The following ADAMTS3 variants were observed in gnomAD, a reference collection of about 807,000 sequenced individuals.
The protein encoded by ADAMTS3 is ADAM metallopeptidase with thrombospondin type 1 motif 3, also known as A disintegrin and metalloproteinase with thrombospondin motifs 3.
A neutral mutation model predicts 129.0 loss-of-function variants in ADAMTS3; 73 were observed. The ratio of observed to expected loss-of-function variants is 0.57; its 90% CI spans 0.47 to 0.69. ADAMTS3 has a LOEUF of 0.69. Ranked by LOEUF, ADAMTS3 falls within the 30% of genes least tolerant of loss-of-function variation. The pLI, the probability that ADAMTS3 is intolerant of heterozygous loss-of-function variation, is 0.00. For missense variants in ADAMTS3, 1,457 were observed against 1,514.5 expected (o/e 0.96, Z 0.63); for synonymous variants, 477 against 510.8 (o/e 0.93, Z 0.89).
Position 72,557,695 on chromosome 4 carries a change from T to C in ADAMTS3, c.98-8811A>G, listed in dbSNP as rs547719114. On this transcript the variant is annotated intron_variant, in intron 2 of 21. Coordinates refer to ENST00000286657, the MANE Select transcript of ADAMTS3 (RefSeq NM_014243.3). ...ACAATATTTATGTTCAAAAAAGCCATTTAGGAAAGAACAACACATTCTTTA... is the reference window on the plus strand; with the variant it reads ...ACAATATTTATGTTCAAAAAAGCCACTTAGGAAAGAACAACACATTCTTTA... Among the ~76,000 whole-genome samples the C allele has an allele frequency of 1.9e-4, 29 of 151,878 alleles. 1 individual carries two copies. The highest frequency in any genetic ancestry group is 7.0e-4 in the African/African-American group (29 of 41,212).
intron 4 of ADAMTS3, among the ~76,000 whole-genome samples, chr4:72,397,762 C>T (rs1007577602): frequency 3.3e-5 from 5 of 152,056 alleles, no homozygotes; most frequent in Non-Finnish European, 7.4e-5. Context: ...GCAGTGATAT[C>T]TAAAGAGGCT....
chr4:72,290,835 C>T lies in ADAMTS3; in HGVS notation c.2931+20G>A, dbSNP rs1718637497. Reference sequence around the variant, plus strand: ...TACACACACACTTTACTTATGCATGCACGGAATTCACACACCTACCTCACT... The same window carrying T: ...TACACACACACTTTACTTATGCATGTACGGAATTCACACACCTACCTCACT... On this transcript the variant is annotated intron_variant, in intron 20 of 21. Transcript: ENST00000286657. 6.2e-7 allele frequency: 1 copy of T among 1,610,612 alleles called. No individual in the cohort carries two copies. Among genetic ancestry groups the T allele is most frequent in the African/African-American group, 1.3e-5 (1 of 74,828 alleles).
chr4:72,473,255 A>G (rs1051829210), intron 3 of ADAMTS3, among the ~76,000 whole-genome samples: 3 of 152,068 alleles, frequency 2.0e-5, no homozygotes, highest in African/African-American at 7.2e-5. Context: ...CAAACATAAG[A>G]CGACTCTAAA....
intron 3 of ADAMTS3, among the ~76,000 whole-genome samples, chr4:72,497,767 C>A (rs538901924): frequency 6.6e-6 from 1 of 151,548 alleles, no homozygotes; most frequent in African/African-American, 2.4e-5. Flanking sequence ...AGTCTATTTA[C>A]ATTAACATAA....
intron 4 of ADAMTS3, among the ~76,000 whole-genome samples, chr4:72,402,703 T>G (rs1721956064): frequency 6.6e-6 from 1 of 152,154 alleles, no homozygotes; most frequent in African/African-American, 2.4e-5. Flanking sequence ...AGGTCTAATC[T>G]CAAAACTAGC....
chr4:72,363,209 A>G (rs777098355), intron 4 of ADAMTS3, among the ~76,000 whole-genome samples: 6 of 152,160 alleles, frequency 3.9e-5, no homozygotes, highest in Non-Finnish European at 8.8e-5. Context: ...GCAAAAACAT[A>G]TATACCGCTG....
intron 4 of ADAMTS3, among the ~76,000 whole-genome samples, chr4:72,377,905 A>T (rs1721174169): frequency 6.6e-6 from 1 of 152,200 alleles, no homozygotes; most frequent in African/African-American, 2.4e-5. Flanking sequence ...GGAATAACAG[A>T]GTGTGAGCAC....
chr4:72,393,621 T>G (rs1721657232), intron 4 of ADAMTS3, among the ~76,000 whole-genome samples: 1 of 152,198 alleles, frequency 6.6e-6, no homozygotes, highest in African/African-American at 2.4e-5. Context: ...ACGTAATATT[T>G]TGACATATGA....
intron 4 of ADAMTS3, among the ~76,000 whole-genome samples, chr4:72,401,607 TGAAA>T (rs924839766): frequency 1.0e-5 from 1 of 95,384 alleles, no homozygotes; most frequent in African/African-American, 3.8e-5. Flanking sequence ...AAAAAAAGAG[TGAAA>T]GAAAGGAAGA....
chr4:72,412,745 A>T (rs928037780), intron 4 of ADAMTS3, among the ~76,000 whole-genome samples: 6 of 152,036 alleles, frequency 3.9e-5, no homozygotes, highest in African/African-American at 1.4e-4. Context: ...GAGAGGTGAC[A>T]AAAGAACTCC....
Position 72,339,621 on chromosome 4 carries a change from A to G in ADAMTS3, c.734T>C (p.Met245Thr). ...GNIHQQLNET[M>T]RRRRHAGEND... Reference sequence around the variant, plus strand: ...TTCTCCCGCGTGTCTGCGGCGTCTCATTGTTTCATTCAGCTGCTGGTGGAT... The same window carrying G: ...TTCTCCCGCGTGTCTGCGGCGTCTCGTTGTTTCATTCAGCTGCTGGTGGAT... Residue 245 changes from methionine to threonine, a missense_variant, in exon 5 of 22, where the codon ATG becomes ACG. By Grantham distance (81) the Met-to-Thr change is moderately conservative (BLOSUM62 -1). Coordinates refer to ENST00000286657, the MANE Select transcript of ADAMTS3 (RefSeq NM_014243.3). The G allele has an allele frequency of 6.2e-7, 1 of 1,613,940 alleles. No individual in the cohort carries two copies. The highest frequency in any genetic ancestry group is 2.2e-5 in the East Asian group (1 of 44,864).
chr4:72,566,544 C>T (rs1360764973), intron 2 of ADAMTS3, among the ~76,000 whole-genome samples: 2 of 152,212 alleles, frequency 1.3e-5, no homozygotes, highest in African/African-American at 2.4e-5. Context: ...TACAATATCA[C>T]CTGACAAATA....
rs556389164 is a variant in ADAMTS3 at position 72,288,613 on chromosome 4, A to G, written c.3049+138T>C. On this transcript the variant is annotated intron_variant, in intron 21 of 21. Coordinates refer to ENST00000286657, the MANE Select transcript of ADAMTS3 (RefSeq NM_014243.3). ...TGCTGATCTTAAAGAACTGAACTGG[A>G]CTAATATTTCACAGGTGTTTTCCTT... 1.1e-4 allele frequency: 70 copies of G among 644,242 alleles called. No individual in the cohort carries two copies. In the East Asian group the frequency reaches 1.9e-3, roughly 17 times the overall value. 39.9% of individuals were successfully genotyped at this position (644,242 alleles called of 1,614,324 possible).
intron 3 of ADAMTS3, among the ~76,000 whole-genome samples, chr4:72,534,489 T>C (rs762931472): frequency 1.3e-5 from 2 of 152,152 alleles, no homozygotes; most frequent in Non-Finnish European, 2.9e-5. Context: ...CTGGACAAAA[T>C]GGTACAGGTC....
intron 3 of ADAMTS3, among the ~76,000 whole-genome samples, chr4:72,511,239 C>A (rs998595408): frequency 1.3e-5 from 2 of 151,998 alleles, no homozygotes; most frequent in African/African-American, 4.8e-5. Flanking sequence ...TGATCAATAT[C>A]CCACAAGCAC....
intron 21 of ADAMTS3, among the ~76,000 whole-genome samples, chr4:72,286,926 A>T (rs1718520905): frequency 6.6e-6 from 1 of 152,114 alleles, no homozygotes; most frequent in African/African-American, 2.4e-5. Context: ...AGACACAAGG[A>T]GTAAAAGATG....
intron 3 of ADAMTS3, among the ~76,000 whole-genome samples, chr4:72,514,248 A>G (rs1033909529): frequency 1.3e-5 from 2 of 152,112 alleles, no homozygotes; most frequent in Admixed American, 1.3e-4. Flanking sequence ...CTGATACAGG[A>G]TTACTAGGCC....
chr4:72,393,204 G>T (rs942801926), intron 4 of ADAMTS3, among the ~76,000 whole-genome samples: 4 of 152,074 alleles, frequency 2.6e-5, no homozygotes, highest in Admixed American at 1.3e-4. Flanking sequence ...GATTACAGGC[G>T]TGAGCCACCG....
chr4:72,427,576 TG>T, intron 3 of ADAMTS3, among the ~76,000 whole-genome samples: 1 of 150,900 alleles, frequency 6.6e-6, no homozygotes, highest in Middle Eastern at 3.4e-3. Flanking sequence ...GAGAAAGAGA[TG>T]AGTAAAGAAA....
Sources: allele counts gnomAD v4.1 joint callset (sites outside exome capture counted in the v4.1 genomes callset), GRCh38; gene constraint gnomAD v4.1.1; transcripts MANE v1.5; gene names NCBI Gene and HGNC (gene_info 2026-07-23, HGNC 2026-07-21).